The following CLCNKB variants were observed in gnomAD, a reference collection of about 807,000 sequenced individuals.
The protein encoded by CLCNKB is chloride channel protein ClC-Kb.
A neutral mutation model predicts 83.8 loss-of-function variants in CLCNKB; 74 were observed. That is an observed-to-expected ratio of 0.88 (90% CI 0.73 to 1.07). The LOEUF is 1.07. CLCNKB is among the 50% of genes least tolerant of loss of function. The probability of loss-of-function intolerance (pLI) is 0.00; values close to 1 mark genes in which losing one functional copy is unlikely to be tolerated. For synonymous variants in CLCNKB, 358 were observed against 356.6 expected (o/e 1.00, Z -0.04); for missense variants, 798 against 893.6 (o/e 0.89, Z 1.36).
In CLCNKB at chr1:16,050,603, A is replaced by G; in HGVS notation, c.1053+3A>G. ...CCGGCCGCTTCCTAGCTTCTCGGGT[A>G]AGGGGCCTTGAGTGGGGTGGCAGGA... On this transcript the variant is annotated splice_donor_region_variant and intron_variant, in intron 11 of 19. Coordinates refer to ENST00000375679, the MANE Select transcript of CLCNKB (RefSeq NM_000085.5). 1.9e-6 allele frequency: 3 copies of G among 1,613,882 alleles called. No homozygotes were observed. The South Asian group carries it at 3.3e-5, about 18-fold the overall frequency.
At position 16,051,834 on chromosome 1, in the gene CLCNKB, G is replaced by C; in HGVS notation, c.1408+14G>C. ...ATGCTCTGGCAGGTGAGTGGGTCAGGGGCCTGCTGCGTGGGCAATGTCGTG... is the reference window on the plus strand; with the variant it reads ...ATGCTCTGGCAGGTGAGTGGGTCAGCGGCCTGCTGCGTGGGCAATGTCGTG... On this transcript the variant is annotated intron_variant, in intron 14 of 19. Transcript: ENST00000375679. 1.9e-6 allele frequency: 3 copies of C among 1,597,646 alleles called. No individual in the cohort carries two copies. The highest frequency in any genetic ancestry group is 2.6e-6 in the Non-Finnish European group (3 of 1,165,528).
At chr1:16,049,379 C>T (rs1344031286) in intron 8 of CLCNKB, 134 bp downstream of exon 8, 2 of 1,527,198 alleles carry the variant, frequency 1.3e-6, no homozygotes, top group African/African-American at 2.8e-5. Context: ...TTGTTCCCAC[C>T]TCCTTCTGGG....
intron 2 of CLCNKB, among the ~76,000 whole-genome samples, 159 bp downstream of exon 2, chr1:16,044,751 G>A (rs2023047922): frequency 6.6e-6 from 1 of 152,208 alleles, no homozygotes; most frequent in African/African-American, 2.4e-5. Context: ...GAGGGAAGGG[G>A]TCTGTCTGTC....
Position 16,052,213 on chromosome 1 carries a change from C to T in CLCNKB, c.1424C>T (p.Ser475Leu). 6.2e-7 allele frequency: 1 copy of T among 1,613,102 alleles called. No individual in the cohort carries two copies. Among genetic ancestry groups the T allele is most frequent in the South Asian group, 1.1e-5 (1 of 91,076 alleles). ...GCCCTTGCAGGGGCTGCAGCCTTCTCAGGGGCTGTGACCCACACCATCTCC... is the reference window on the plus strand; with the variant it reads ...GCCCTTGCAGGGGCTGCAGCCTTCTTAGGGGCTGTGACCCACACCATCTCC... ...GYALAGAAAFSGAVTHTISTA... is the reference protein window; with the variant it reads ...GYALAGAAAFLGAVTHTISTA... The change falls in exon 15 of 20, where the codon TCA (serine) becomes TTA (leucine). Residue 475 changes from serine to leucine, a missense_variant. Physicochemically the swap from Ser to Leu is moderately radical, Grantham distance 145 (BLOSUM62 -2). Coordinates refer to ENST00000375679, the MANE Select transcript of CLCNKB (RefSeq NM_000085.5).
rs1339350067 is a variant in CLCNKB, at chr1:16,052,923, AAC to A, written c.1622+516_1622+517del. ...TCCCTGGGTCTGAGGCCCCGCTGAAAACACAAGCAAGCTGCTGCCTTGCTCTG... is the reference window on the plus strand; with the variant it reads ...TCCCTGGGTCTGAGGCCCCGCTGAAAACAAGCAAGCTGCTGCCTTGCTCTG... On this transcript the variant is annotated intron_variant, in intron 15 of 19. Transcript: ENST00000375679. Among the ~76,000 whole-genome samples the A allele has an allele frequency of 2.6e-5, 4 of 152,296 alleles. No homozygotes were observed. In the East Asian group the frequency reaches 7.7e-4, roughly 29 times the overall value.
chr1:16,051,243 G>T lies in CLCNKB; in HGVS notation c.1227+195G>T, dbSNP rs1256388257. On this transcript the variant is annotated intron_variant, in intron 12 of 19. Coordinates refer to ENST00000375679, the MANE Select transcript of CLCNKB (RefSeq NM_000085.5). ...TCAGTCTTCTCATCTTTAAAATGGG[G>T]TGTTTACTGGGAAGGCTAAGGAGGA... Among the ~76,000 whole-genome samples, 3 of 152,164 alleles carry T rather than the reference G, an allele frequency of 2.0e-5. 1 individual carries two copies. Among genetic ancestry groups the T allele is most frequent in the South Asian group, 4.1e-4 (2 of 4,832 alleles).
intron 17 of CLCNKB, 26 bp from the exon 18 acceptor site, chr1:16,055,649 C>T (rs777486430): frequency 6.2e-7 from 1 of 1,612,342 alleles, no homozygotes; most frequent in Admixed American, 1.7e-5. Context: ...GCCAGCCCTG[C>T]ACCTGTAACC....
At position 16,049,167 on chromosome 1, in the gene CLCNKB, G is replaced by T. The variant is rs1388256003; in HGVS notation, c.703G>T (p.Asp235Tyr). 8.1e-6 allele frequency: 13 copies of T among 1,613,366 alleles called. No homozygotes were observed. The highest frequency in any genetic ancestry group is 1.1e-5 in the South Asian group (1 of 91,058). Residue 235 changes from aspartate to tyrosine, a missense_variant, in exon 8 of 20, where the codon GAT (aspartate) becomes TAT (tyrosine). By Grantham distance (160) the Asp-to-Tyr change is radical. Coordinates refer to ENST00000375679, the MANE Select transcript of CLCNKB (RefSeq NM_000085.5). ...CATGTCTTCCCACTTCTCTGTCTGG[G>T]ATTACTGGAGGGGCTTCTTTGCGGC... ...EVMSSHFSVWDYWRGFFAATC... is the reference protein window; with the variant it reads ...EVMSSHFSVWYYWRGFFAATC...
intron 15 of CLCNKB, 65 bp from the exon 16 acceptor site, chr1:16,053,574 C>A: frequency 6.2e-7 from 1 of 1,611,506 alleles, no homozygotes; most frequent in Non-Finnish European, 8.5e-7. Flanking sequence ...CCCCACAGAT[C>A]CCCCTGCCAG....
intron 2 of CLCNKB, 58 bp from the exon 3 acceptor site, chr1:16,045,500 A>C (rs1320691532): frequency 1.2e-6 from 2 of 1,602,874 alleles, no homozygotes; most frequent in Admixed American, 3.3e-5. Flanking sequence ...GCCTCCAAGG[A>C]TGGGACTGTC....
rs370023856 is a variant in CLCNKB at position 16,049,890 on chromosome 1, G to T, written c.942G>T (p.Arg314Ser). Residue 314 changes from arginine (R) to serine (S), a missense_variant, in exon 10 of 20, where the codon AGG becomes AGT. Transcript: ENST00000375679. ...TCTTTGGCTTCATCAGGAACAATAG[G>T]TTCAGCTCCAAACTGCTGGCCACCA... is the stretch of plus-strand genomic sequence containing the variant. ...RIFFGFIRNN[R>S]FSSKLLATSK... 1.2e-6 allele frequency: 2 copies of T among 1,613,882 alleles called. No individual in the cohort carries two copies. Among genetic ancestry groups the T allele is most frequent in the East Asian group, 4.5e-5 (2 of 44,880 alleles).
intron 2 of CLCNKB, 29 bp downstream of exon 2, chr1:16,044,621 C>T: frequency 6.5e-7 from 1 of 1,542,284 alleles, no homozygotes; most frequent in Non-Finnish European, 8.8e-7. Flanking sequence ...TCCCTTCCCC[C>T]TGGAGGACCA....
intron 2 of CLCNKB, 53 bp from the exon 3 acceptor site, chr1:16,045,505 A>T: frequency 1.2e-6 from 2 of 1,604,598 alleles, no homozygotes; most frequent in African/African-American, 1.3e-5. Flanking sequence ...CAAGGATGGG[A>T]CTGTCTGTGC....
chr1:16,055,819 A>G, intron 18 of CLCNKB, 61 bp downstream of exon 18: 1 of 1,509,964 alleles, frequency 6.6e-7, no homozygotes, highest in Non-Finnish European at 9.2e-7. Flanking sequence ...AGAGCTGATG[A>G]GGAGCTCACG....
chr1:16,051,170 C>T lies in CLCNKB; in HGVS notation c.1227+122C>T, dbSNP rs1024604842. 29 of 1,450,536 alleles carry T rather than the reference C, an allele frequency of 2.0e-5. No homozygotes were observed. The African/African-American group carries it at 3.9e-4, about 20-fold the overall frequency. 89.9% of individuals were successfully genotyped at this position (1,450,536 alleles called of 1,614,324 possible). ...TTCCACCCACATTTCCTGATGTGCC[C>T]CCTGCCCATTGCATGGTCCTGGACA... On this transcript the variant is annotated intron_variant, in intron 12 of 19. Coordinates refer to ENST00000375679, the MANE Select transcript of CLCNKB (RefSeq NM_000085.5).
rs147999316 is a variant in CLCNKB, at chr1:16,051,005, G to T, written c.1184G>T (p.Arg395Leu). 4.2e-5 allele frequency: 67 copies of T among 1,613,938 alleles called. No homozygotes were observed. The highest frequency in any genetic ancestry group is 5.5e-5 in the Non-Finnish European group (65 of 1,180,014). The change falls in exon 12 of 20, where the codon CGG (arginine) becomes CTG (leucine). Residue 395 changes from arginine to leucine, a missense_variant. Coordinates refer to ENST00000375679, the MANE Select transcript of CLCNKB (RefSeq NM_000085.5). ...CTGTGGTGGGAATGGTACCACCCGCGGTTCACCATCTTTGGGACCCTTGCC... is the reference window on the plus strand; with the variant it reads ...CTGTGGTGGGAATGGTACCACCCGCTGTTCACCATCTTTGGGACCCTTGCC... ...QHLWWEWYHP[R>L]FTIFGTLAFF...
chr1:16,048,943 G>A (rs1449913530), intron 7 of CLCNKB, 177 bp from the exon 8 acceptor site: 1 of 1,487,746 alleles, frequency 6.7e-7, no homozygotes, highest in East Asian at 2.4e-5. Flanking sequence ...CGGGTCTCTG[G>A]GCAGCGGGCT....
chr1:16,045,788 TG>T lies in CLCNKB; in HGVS notation c.229+103del, dbSNP rs917646012. On this transcript the variant is annotated intron_variant, in intron 3 of 19. Transcript: ENST00000375679. ...CAGGTGCAGCGGAGGTTGGGGGGGG[TG>T]CTCTGGGTGGGGATCTGGTCCTGGC... The T allele has an allele frequency of 6.6e-5, 29 of 442,018 alleles. 2 individuals are homozygous for T. The highest frequency in any genetic ancestry group is 9.8e-5 in the Non-Finnish European group (23 of 233,722). The allele number at this position is 442,018 out of a possible 1,614,324, so 27.4% of individuals were successfully genotyped here.
intron 16 of CLCNKB, among the ~76,000 whole-genome samples, chr1:16,054,223 G>A (rs1393224241): frequency 5.9e-5 from 9 of 152,186 alleles, no homozygotes; most frequent in Non-Finnish European, 8.8e-5. Flanking sequence ...TAACTAGAGC[G>A]TCATTTCCTG....
Sources: allele counts gnomAD v4.1 joint callset (sites outside exome capture counted in the v4.1 genomes callset), GRCh38; gene constraint gnomAD v4.1.1; transcripts MANE v1.5; gene names NCBI Gene and HGNC (gene_info 2026-07-23, HGNC 2026-07-21).